Variants in MKLN1 observed in about 807,000 individuals in gnomAD.
MKLN1 encodes the protein muskelin 1, also known as muskelin.
MKLN1 carries 18 observed loss-of-function variants against 99.0 expected under a neutral mutation model. The ratio of observed to expected loss-of-function variants is 0.18; its 90% CI spans 0.13 to 0.27. MKLN1 has a LOEUF of 0.27. MKLN1 is among the 10% of genes least tolerant of loss of function. MKLN1 has a pLI of 1.00. For missense variants in MKLN1, 621 were observed against 875.9 expected (o/e 0.71, Z 3.67); for synonymous variants, 288 against 293.2 (o/e 0.98, Z 0.18).
At chr7:131,384,602 C>T (rs1443336688) in intron 2 of MKLN1, among the ~76,000 whole-genome samples, 1 of 152,096 alleles carries the variant, frequency 6.6e-6, no homozygotes, top group African/African-American at 2.4e-5. Context: ...TGTTTTAAAG[C>T]CATCGATTTG....
intron 1 of MKLN1, among the ~76,000 whole-genome samples, chr7:131,131,902 C>T (rs1273673974): frequency 6.6e-6 from 1 of 152,144 alleles, no homozygotes; most frequent in Non-Finnish European, 1.5e-5. Context: ...CTTCGCAGTG[C>T]AGGTAGTATT....
chr7:131,112,845 G>T (rs1008544926), intron 1 of MKLN1, among the ~76,000 whole-genome samples: 1 of 152,202 alleles, frequency 6.6e-6, no homozygotes, highest in Non-Finnish European at 1.5e-5. Flanking sequence ...TTTAATTAGT[G>T]CTAGGCAAAA....
intron 3 of MKLN1, among the ~76,000 whole-genome samples, chr7:131,223,690 G>A (rs369316819): frequency 3.9e-5 from 6 of 152,144 alleles, no homozygotes; most frequent in Non-Finnish European, 5.9e-5. Flanking sequence ...AACTGATAGC[G>A]AATTCTTGCT....
chr7:131,125,742 C>T (rs1376339448), intron 1 of MKLN1, among the ~76,000 whole-genome samples: 7 of 152,056 alleles, frequency 4.6e-5, no homozygotes, highest in African/African-American at 7.2e-5. Flanking sequence ...CGGTGGCTCA[C>T]GCCTGTAATC....
At chr7:131,398,650 C>T (rs191264012) in intron 5 of MKLN1, among the ~76,000 whole-genome samples, 59 of 151,350 alleles carry the variant, frequency 3.9e-4, no homozygotes, top group Non-Finnish European at 6.5e-4. Context: ...GAGATTATGC[C>T]GCTACAGTCC....
At chr7:131,138,263 C>A (rs140368709) in intron 1 of MKLN1, among the ~76,000 whole-genome samples, 84 of 152,254 alleles carry the variant, frequency 5.5e-4, no homozygotes, top group African/African-American at 1.9e-3. Flanking sequence ...CTTGTTATTT[C>A]TTTTAAGCAA....
At chr7:131,247,278 A>T (rs533695297) in intron 3 of MKLN1, among the ~76,000 whole-genome samples, 1 of 147,064 alleles carries the variant, frequency 6.8e-6, no homozygotes, top group East Asian at 2.1e-4. Context: ...CAATGCCGCA[A>T]TCTCAGCTCA....
intron 1 of MKLN1, among the ~76,000 whole-genome samples, chr7:131,354,041 A>G (rs1443542775): frequency 6.6e-6 from 1 of 151,956 alleles, no homozygotes; most frequent in Admixed American, 6.6e-5. Flanking sequence ...TAATGGAGCA[A>G]GCTTTAATAT....
intron 3 of MKLN1, among the ~76,000 whole-genome samples, chr7:131,294,336 C>T (rs919183183): frequency 3.9e-5 from 6 of 152,050 alleles, no homozygotes; most frequent in African/African-American, 7.2e-5. Context: ...AATGCTTCAA[C>T]GGTTAAAAAT....
At chr7:131,429,624 G>T (rs1452699328) in intron 9 of MKLN1, among the ~76,000 whole-genome samples, 1 of 152,044 alleles carries the variant, frequency 6.6e-6, no homozygotes, top group Non-Finnish European at 1.5e-5. Context: ...TATCGCCCAG[G>T]CTGGAGTGCA....
intron 3 of MKLN1, among the ~76,000 whole-genome samples, chr7:131,314,128 A>G (rs1038528395): frequency 1.2e-4 from 19 of 152,246 alleles, no homozygotes; most frequent in Non-Finnish European, 2.6e-4. Context: ...CTTGCCAGCC[A>G]TCACATACAC....
In MKLN1 at chr7:131,489,463, A is replaced by G. The variant is rs932752442; in HGVS notation, c.*1735A>G. 1 of 152,190 alleles carries G rather than the reference A, an allele frequency of 6.6e-6. No individual in the cohort carries two copies. Among genetic ancestry groups the G allele is most frequent in the African/African-American group, 2.4e-5 (1 of 41,466 alleles). 9.4% of individuals were successfully genotyped at this position (152,190 alleles called of 1,614,324 possible). ...ATACAGTTTGCTTACATACTTCAACAGTTTCATAAAACGATTCCCCTGAGT... is the reference window on the plus strand; with the variant it reads ...ATACAGTTTGCTTACATACTTCAACGGTTTCATAAAACGATTCCCCTGAGT... On this transcript the variant is annotated 3_prime_UTR_variant, in exon 18 of 18. Coordinates refer to ENST00000352689, the MANE Select transcript of MKLN1 (RefSeq NM_013255.5).
At chr7:131,214,418 CT>C (rs1796949446) in intron 3 of MKLN1, among the ~76,000 whole-genome samples, 1 of 152,132 alleles carries the variant, frequency 6.6e-6, no homozygotes, top group Non-Finnish European at 1.5e-5. Context: ...AAGACTTGCC[CT>C]TCCTATGTTT....
chr7:131,467,156 A>G (rs1473042380), intron 15 of MKLN1, among the ~76,000 whole-genome samples: 4 of 152,188 alleles, frequency 2.6e-5, no homozygotes, highest in Non-Finnish European at 4.4e-5. Flanking sequence ...TTTCAAGACC[A>G]GACTGTCAAT....
At chr7:131,223,193 A>G (rs1391275497) in intron 3 of MKLN1, among the ~76,000 whole-genome samples, 1 of 152,212 alleles carries the variant, frequency 6.6e-6, no homozygotes, top group African/African-American at 2.4e-5. Context: ...TTCCCCTTTC[A>G]GACCCTTGGG....
At chr7:131,406,354 A>G (rs1395449755) in intron 6 of MKLN1, among the ~76,000 whole-genome samples, 2 of 151,996 alleles carry the variant, frequency 1.3e-5, no homozygotes, top group African/African-American at 4.8e-5. Context: ...AATTGCAAGT[A>G]TGCATGATTA....
intron 3 of MKLN1, among the ~76,000 whole-genome samples, chr7:131,276,840 C>T (rs746337282): frequency 7.9e-5 from 12 of 152,170 alleles, no homozygotes; most frequent in Non-Finnish European, 1.3e-4. Context: ...TTCAGTGACT[C>T]TGTCTGACTT....
intron 2 of MKLN1, among the ~76,000 whole-genome samples, chr7:131,147,086 T>A (rs966269528): frequency 3.9e-5 from 6 of 152,016 alleles, no homozygotes; most frequent in Admixed American, 1.3e-4. Context: ...TGAGATAGGG[T>A]CTCCCTCTGT....
At chr7:131,379,363 A>G (rs1339000602) in intron 2 of MKLN1, among the ~76,000 whole-genome samples, 1 of 152,224 alleles carries the variant, frequency 6.6e-6, no homozygotes, top group East Asian at 1.9e-4. Context: ...TAGATATTAG[A>G]ATTAAAATTA....
Sources: allele counts gnomAD v4.1 joint callset (sites outside exome capture counted in the v4.1 genomes callset), GRCh38; gene constraint gnomAD v4.1.1; transcripts MANE v1.5; gene names NCBI Gene and HGNC (gene_info 2026-07-23, HGNC 2026-07-21).